Variants in MAGI1 observed in about 807,000 individuals in gnomAD.
MAGI1 encodes the protein membrane associated guanylate kinase, WW and PDZ domain containing 1.
MAGI1 carries 58 observed loss-of-function variants against 139.9 expected under a neutral mutation model. The ratio of observed to expected loss-of-function variants is 0.41; its 90% confidence interval spans 0.34 to 0.52. The LOEUF is 0.52. Ranked by LOEUF, MAGI1 falls within the 20% of genes least tolerant of loss-of-function variation. The pLI is 0.12. For missense variants in MAGI1, 1,874 were observed against 1,901.6 expected, an observed-to-expected ratio of 0.99 and a Z score of 0.27; for synonymous variants, 812 against 737.9, an observed-to-expected ratio of 1.10 and a Z score of -1.63.
chr3:65,599,561 T>C (rs1397439162), intron 2 of MAGI1, among the ~76,000 whole-genome samples: 1 of 152,182 alleles, frequency 6.6e-6, no homozygotes, highest in African/African-American at 2.4e-5. Context: ...TACTTGCCTG[T>C]TTCCCCTGGT....
intron 2 of MAGI1, among the ~76,000 whole-genome samples, chr3:65,525,875 C>T (rs772615919): frequency 1.3e-5 from 2 of 152,268 alleles, no homozygotes; most frequent in Admixed American, 6.5e-5. Flanking sequence ...GTTCAATCAG[C>T]GTGCCCCATA....
Position 66,036,895 on chromosome 3 carries a change from G to GC in MAGI1, c.313+1100dup, listed in dbSNP as rs2068952641. On this transcript the variant is annotated intron_variant, in intron 1 of 22. Coordinates refer to ENST00000402939, the MANE Select transcript of MAGI1 (RefSeq NM_001033057.2). ...TCTCCATTGGGTTGACATGAGGACA[G>GC]CCCCTTGTCTGTACCAAAGTGAGAT... Among the ~76,000 whole-genome samples, 5 of 152,210 alleles carry GC rather than the reference G, an allele frequency of 3.3e-5. No individual in the cohort carries two copies. In the South Asian group the frequency reaches 1.0e-3, roughly 32 times the overall value.
intron 1 of MAGI1, among the ~76,000 whole-genome samples, chr3:65,991,648 CA>C (rs2066178466): frequency 6.6e-6 from 1 of 152,162 alleles, no homozygotes; most frequent in Non-Finnish European, 1.5e-5. Context: ...TCTGACTGAC[CA>C]AATATGAGTT....
intron 2 of MAGI1, among the ~76,000 whole-genome samples, chr3:65,524,642 T>A (rs2078305813): frequency 6.6e-6 from 1 of 152,212 alleles, no homozygotes; most frequent in African/African-American, 2.4e-5. Context: ...CCTACTCTGC[T>A]GCCCTGGTGT....
At chr3:65,493,107 G>A (rs774643277) in intron 3 of MAGI1, among the ~76,000 whole-genome samples, 13 of 149,368 alleles carry the variant, frequency 8.7e-5, no homozygotes, top group Non-Finnish European at 1.9e-4. Flanking sequence ...TTTGCTTTAT[G>A]AATCACATAA....
chr3:65,529,810 A>C (rs185277857), intron 2 of MAGI1, among the ~76,000 whole-genome samples: 14 of 148,048 alleles, frequency 9.5e-5, no homozygotes, highest in African/African-American at 3.5e-4. Context: ...ATGTATATAC[A>C]CATATAATAT....
intron 7 of MAGI1, among the ~76,000 whole-genome samples, chr3:65,446,183 G>T (rs1948661847): frequency 6.6e-6 from 1 of 152,150 alleles, no homozygotes; most frequent in Non-Finnish European, 1.5e-5. Context: ...AGGGAATTAG[G>T]TAATAAATAA....
chr3:65,659,081 G>A (rs1041617333), intron 1 of MAGI1, among the ~76,000 whole-genome samples: 1 of 152,110 alleles, frequency 6.6e-6, no homozygotes, highest in Non-Finnish European at 1.5e-5. Flanking sequence ...GGGAGATTCA[G>A]TCAGACTAAA....
intron 6 of MAGI1, among the ~76,000 whole-genome samples, chr3:65,450,150 G>A (rs1948941917): frequency 6.6e-6 from 1 of 152,212 alleles, no homozygotes; most frequent in Non-Finnish European, 1.5e-5. Flanking sequence ...AGAGCAGAGA[G>A]CAGAGAAATA....
intron 1 of MAGI1, among the ~76,000 whole-genome samples, chr3:65,719,153 A>G (rs1045338333): frequency 1.1e-4 from 17 of 152,124 alleles, no homozygotes; most frequent in Admixed American, 3.3e-4. Context: ...GAAGACAGAT[A>G]AATACAAAGA....
At chr3:65,608,163 C>T (rs575774736) in intron 2 of MAGI1, among the ~76,000 whole-genome samples, 21 of 152,174 alleles carry the variant, frequency 1.4e-4, no homozygotes, top group Non-Finnish European at 2.9e-5. Flanking sequence ...AAACGGGGAC[C>T]GGGTGGAGTG....
intron 1 of MAGI1, among the ~76,000 whole-genome samples, chr3:65,645,726 A>T (rs564426516): frequency 3.3e-4 from 50 of 152,266 alleles, no homozygotes; most frequent in Middle Eastern, 3.4e-3. Flanking sequence ...AATATTTCAG[A>T]CAATGATATT....
chr3:65,847,308 T>C (rs925048436), intron 1 of MAGI1, among the ~76,000 whole-genome samples: 1 of 152,150 alleles, frequency 6.6e-6, no homozygotes, highest in African/African-American at 2.4e-5. Context: ...AATTCCCAAA[T>C]TGTTAAGGGT....
chr3:65,662,661 C>T (rs1311749635), intron 1 of MAGI1, among the ~76,000 whole-genome samples: 3 of 152,108 alleles, frequency 2.0e-5, no homozygotes, highest in Non-Finnish European at 4.4e-5. Flanking sequence ...TTATTATAGT[C>T]AAACAAATTA....
intron 2 of MAGI1, among the ~76,000 whole-genome samples, chr3:65,530,863 A>ATC: frequency 7.0e-6 from 1 of 143,490 alleles, no homozygotes; most frequent in Non-Finnish European, 1.5e-5. Flanking sequence ...ACATATATAT[A>ATC]TATATGGAGA....
chr3:65,533,114 C>T (rs2078796283), intron 2 of MAGI1, among the ~76,000 whole-genome samples: 1 of 152,180 alleles, frequency 6.6e-6, no homozygotes, highest in Non-Finnish European at 1.5e-5. Context: ...AAAAAGAATG[C>T]AATCCCTATT....
At chr3:66,017,235 T>C (rs2067694844) in intron 1 of MAGI1, among the ~76,000 whole-genome samples, 1 of 152,200 alleles carries the variant, frequency 6.6e-6, no homozygotes, top group Admixed American at 6.5e-5. Flanking sequence ...AAGTAGGAGT[T>C]AGTCAGTGCG....
At chr3:65,480,121 T>C (rs1349979896) in intron 3 of MAGI1, among the ~76,000 whole-genome samples, 2 of 142,694 alleles carry the variant, frequency 1.4e-5, no homozygotes, top group Admixed American at 7.2e-5. Context: ...CTAACCTCAG[T>C]ACATAGTTAC....
intron 4 of MAGI1, among the ~76,000 whole-genome samples, chr3:65,475,453 A>G (rs567857617): frequency 5.3e-5 from 8 of 152,238 alleles, no homozygotes; most frequent in African/African-American, 1.9e-4. Context: ...ACCTCAGGTG[A>G]TCTGCCCGCC....
Sources: allele counts gnomAD v4.1 joint callset (sites outside exome capture counted in the v4.1 genomes callset), GRCh38; gene constraint gnomAD v4.1.1; transcripts MANE v1.5; gene names NCBI Gene and HGNC (gene_info 2026-07-23, HGNC 2026-07-21).